Variants in DPF3 observed in about 807,000 individuals in gnomAD.
The protein encoded by DPF3 is zinc finger protein DPF3.
In DPF3, 18 loss-of-function variants were observed where a neutral mutation model predicts 56.8. The ratio of observed to expected loss-of-function variants is 0.32; its 90% CI spans 0.22 to 0.47. The LOEUF is 0.47. Ranked by LOEUF, DPF3 falls within the 20% of genes least tolerant of loss-of-function variation. The probability of loss-of-function intolerance (pLI) is 1.00; values close to 1 mark genes in which losing one functional copy is unlikely to be tolerated. For missense variants in DPF3, 403 were observed against 488.8 expected, an observed-to-expected ratio of 0.82 and a Z score of 1.65; for synonymous variants, 188 against 180.2, an observed-to-expected ratio of 1.04 and a Z score of -0.35.
chr14:72,799,241 T>C (rs1192070494), intron 1 of DPF3, among the ~76,000 whole-genome samples: 4 of 152,160 alleles, frequency 2.6e-5, no homozygotes, highest in African/African-American at 7.2e-5. Flanking sequence ...CCAGATACCA[T>C]TCTACCTCCT....
intron 1 of DPF3, among the ~76,000 whole-genome samples, chr14:72,801,781 C>T (rs1892902056): frequency 6.6e-6 from 1 of 152,174 alleles, no homozygotes. Flanking sequence ...CTGTCCTGAA[C>T]ACAAGGCACA....
At chr14:72,893,613 C>CG (rs1282472693) in intron 1 of DPF3, among the ~76,000 whole-genome samples, 1 of 151,708 alleles carries the variant, frequency 6.6e-6, no homozygotes, top group Non-Finnish European at 1.5e-5. Flanking sequence ...GCCGCGGGCT[C>CG]GGGGGCGCGG....
intron 7 of DPF3, among the ~76,000 whole-genome samples, 165 bp downstream of exon 7, chr14:72,692,911 G>C (rs1205667914): frequency 1.3e-5 from 2 of 152,192 alleles, no homozygotes; most frequent in Non-Finnish European, 2.9e-5. Flanking sequence ...TGAGCTGCAG[G>C]GGCAGCTGGC....
At chr14:72,865,223 C>T (rs566771783) in intron 1 of DPF3, among the ~76,000 whole-genome samples, 61 of 152,258 alleles carry the variant, frequency 4.0e-4, no homozygotes, top group Middle Eastern at 3.4e-3. Flanking sequence ...AGACTATGGA[C>T]GCTGCAGTGC....
In DPF3 at chr14:72,674,091, T is replaced by C. The variant is rs1282181424; in HGVS notation, c.871+149A>G. On this transcript the variant is annotated intron_variant, in intron 8 of 10. Transcript: ENST00000556509. ...GTTCTTGAGACCCAAAGAAGAAAAA[T>C]ATCAGAATGAGCTGAAAACTCCTCT... The C allele has an allele frequency of 1.1e-5, 13 of 1,218,692 alleles. No homozygotes were observed. The Admixed American group carries it at 2.6e-4, about 25-fold the overall frequency. The allele number at this position is 1,218,692 out of a possible 1,614,324, so 75.5% of individuals were successfully genotyped here. A position where few individuals can be genotyped will look rare whatever the true frequency, so the allele number is the denominator to read the frequency against.
At chr14:72,823,199 T>C (rs1009123394) in intron 1 of DPF3, among the ~76,000 whole-genome samples, 1 of 152,238 alleles carries the variant, frequency 6.6e-6, no homozygotes, top group African/African-American at 2.4e-5. Context: ...CCATCTGGTC[T>C]AAATCTGCTC....
At chr14:72,731,786 C>A in intron 4 of DPF3, 21 bp downstream of exon 4, 1 of 1,612,698 alleles carries the variant, frequency 6.2e-7, no homozygotes, top group South Asian at 1.1e-5. Context: ...TCTGTGGGGT[C>A]CCCAGCAGGT....
intron 1 of DPF3, among the ~76,000 whole-genome samples, chr14:72,886,654 TAA>T (rs1886558742): frequency 6.6e-6 from 1 of 152,106 alleles, no homozygotes; most frequent in African/African-American, 2.4e-5. Flanking sequence ...GTTTTCTCTT[TAA>T]AGTCTCAGAA....
chr14:72,845,237 G>A (rs1884701588), intron 1 of DPF3, among the ~76,000 whole-genome samples: 1 of 152,092 alleles, frequency 6.6e-6, no homozygotes, highest in South Asian at 2.1e-4. Flanking sequence ...AACAGTGAAA[G>A]CCCCAGTTAG....
At chr14:72,725,010 C>G (rs1339721724) in intron 4 of DPF3, among the ~76,000 whole-genome samples, 1 of 152,074 alleles carries the variant, frequency 6.6e-6, no homozygotes, top group East Asian at 1.9e-4. Context: ...AGCTACCACA[C>G]CTGGCCACCT....
At chr14:72,862,760 TC>T (rs897709407) in intron 1 of DPF3, among the ~76,000 whole-genome samples, 1 of 152,086 alleles carries the variant, frequency 6.6e-6, no homozygotes, top group African/African-American at 2.4e-5. Context: ...AGGGAGCTTT[TC>T]CCCCAACACT....
chr14:72,707,899 C>T (rs1306947923), intron 6 of DPF3, among the ~76,000 whole-genome samples: 1 of 151,272 alleles, frequency 6.6e-6, no homozygotes, highest in African/African-American at 2.4e-5. Flanking sequence ...CTCTGCTTTG[C>T]GTATCTGTAA....
chr14:72,662,451 A>ATTG (rs983776441), intron 8 of DPF3: 2 of 983,424 alleles, frequency 2.0e-6, no homozygotes, highest in African/African-American at 1.7e-5. Context: ...TGAAATAAAT[A>ATTG]AAATAGTTAA....
intron 5 of DPF3, among the ~76,000 whole-genome samples, chr14:72,720,867 T>A (rs1482066866): frequency 6.6e-6 from 1 of 152,206 alleles, no homozygotes; most frequent in East Asian, 1.9e-4. Flanking sequence ...TTTTAAAATT[T>A]CCAGCAGCAC....
At position 72,614,042 on chromosome 14, in the gene DPF3, C is replaced by T. The variant is rs1883922758; in HGVS notation, c.*5255G>A. On this transcript the variant is annotated 3_prime_UTR_variant, in exon 11 of 11. Coordinates refer to ENST00000556509, the MANE Select transcript of DPF3 (RefSeq NM_001280542.3). ...CTCCAGCCTCCCTAGGAAGGGGTTC[C>T]CAGCTCTCCAAGACCCACCACCAGC... Among the ~76,000 whole-genome samples, 1 of 152,186 alleles carries T rather than the reference C, an allele frequency of 6.6e-6. No individual in the cohort carries two copies. Among genetic ancestry groups the T allele is most frequent in the Non-Finnish European group, 1.5e-5 (1 of 68,022 alleles).
At chr14:72,892,796 A>AC (rs756920434) in intron 1 of DPF3, 155 of 665,110 alleles carry the variant, frequency 2.3e-4, no homozygotes, top group African/African-American at 1.6e-3. Context: ...AGGGGTGAGG[A>AC]CCCCCCAGCC....
At chr14:72,892,703 G>A (rs989485634) in intron 1 of DPF3, 16 of 1,011,410 alleles carry the variant, frequency 1.6e-5, no homozygotes, top group Non-Finnish European at 1.9e-5. Flanking sequence ...GGGAGAATTC[G>A]GCATGAACCG....
At chr14:72,657,816 A>C (rs1301826917) in intron 8 of DPF3, among the ~76,000 whole-genome samples, 3 of 152,202 alleles carry the variant, frequency 2.0e-5, no homozygotes, top group African/African-American at 7.2e-5. Flanking sequence ...CCCAGAGCTG[A>C]GTAGTTGTGA....
rs1209005418 is a variant in DPF3 at position 72,612,834 on chromosome 14, A to G, written c.*6463T>C. Among the ~76,000 whole-genome samples, 1 of 152,240 alleles carries G rather than the reference A, an allele frequency of 6.6e-6. No homozygotes were observed. The highest frequency in any genetic ancestry group is 1.5e-5 in the Non-Finnish European group (1 of 68,042). The stretch of plus-strand genomic sequence containing the variant: ...GCGGAGCCAGTAGCTTTCCAAGCAC[A>G]AGGCTCCCTTTGCAACCCTGGTGGC... On this transcript the variant is annotated 3_prime_UTR_variant, in exon 11 of 11. Transcript: ENST00000556509.
Sources: gnomAD v4.1 joint callset for allele counts (sites outside exome capture counted in the v4.1 genomes callset) on GRCh38, gnomAD v4.1.1 for gene constraint, MANE v1.5 for transcripts, NCBI Gene and HGNC (gene_info 2026-07-23, HGNC 2026-07-21) for gene names.